RBFOX1: variants seen among roughly 807,000 people sequenced by gnomAD.
RBFOX1 encodes RNA binding protein fox-1 homolog 1.
RBFOX1 carries 8 observed loss-of-function variants against 57.7 expected under a neutral mutation model. The ratio of observed to expected loss-of-function variants is 0.14; its 90% CI spans 0.08 to 0.25. The LOEUF (loss-of-function observed/expected upper bound fraction) is 0.25, where lower values mean the gene tolerates loss of function less well. Among genes scored for constraint, RBFOX1 ranks in the 10% least tolerant of loss-of-function variants. RBFOX1 has a pLI of 1.00. For missense variants in RBFOX1, 611 were observed against 548.5 expected, an observed-to-expected ratio of 1.11 and a Z score of -1.14; for synonymous variants, 326 against 222.4, an observed-to-expected ratio of 1.47 and a Z score of -4.15.
chr16:7,183,034 C>G (rs748972134), intron 4 of RBFOX1, among the ~76,000 whole-genome samples: 2 of 152,194 alleles, frequency 1.3e-5, no homozygotes, highest in African/African-American at 4.8e-5. Context: ...AATGGGCACA[C>G]AACAATATTT....
At chr16:6,652,483 T>C (rs2098604672) in intron 2 of RBFOX1, among the ~76,000 whole-genome samples, 1 of 151,548 alleles carries the variant, frequency 6.6e-6, no homozygotes, top group Non-Finnish European at 1.5e-5. Flanking sequence ...CTGTCTCCCT[T>C]TCTCTCTCTC....
At chr16:6,011,590 C>T (rs1016197468) in intron 4 of RBFOX1, among the ~76,000 whole-genome samples, 1 of 152,150 alleles carries the variant, frequency 6.6e-6, no homozygotes, top group Non-Finnish European at 1.5e-5. Context: ...ATGTCTCAGG[C>T]TTGGCATAGA....
intron 13 of RBFOX1, among the ~76,000 whole-genome samples, chr16:7,673,822 T>G (rs752569161): frequency 6.6e-6 from 1 of 152,220 alleles, no homozygotes; most frequent in Non-Finnish European, 1.5e-5. Context: ...GTGTTTGTCA[T>G]GCCTCGTTCC....
At chr16:6,209,371 T>G (rs2097277014) in intron 1 of RBFOX1, among the ~76,000 whole-genome samples, 1 of 147,046 alleles carries the variant, frequency 6.8e-6, no homozygotes, top group Admixed American at 7.0e-5. Flanking sequence ...CTGCCCACCT[T>G]CAGAGAAACT....
intron 3 of RBFOX1, among the ~76,000 whole-genome samples, chr16:6,973,131 C>G (rs1250810678): frequency 2.2e-5 from 3 of 136,154 alleles, no homozygotes; most frequent in Non-Finnish European, 4.6e-5. Flanking sequence ...ACTCCATTGT[C>G]TAAATAAATT....
Position 7,496,703 on chromosome 16 carries a change from A to T in RBFOX1, c.28-21444A>T, listed in dbSNP as rs201616865. ...ACCTTAACAAAGACTTTTTTTTTTT[A>T]AATTTGACCACTGCAGTGTTCTCAT... On this transcript the variant is annotated intron_variant, in intron 4 of 15. Transcript: ENST00000550418. Among the ~76,000 whole-genome samples, 497 of 94,236 alleles carry T rather than the reference A, an allele frequency of 5.3e-3. 6 individuals are homozygous for T. The highest frequency in any genetic ancestry group is 0.016 in the African/African-American group (452 of 27,700). 61.8% of individuals were successfully genotyped at this position (94,236 alleles called of 152,430 possible). A position where few individuals can be genotyped will look rare whatever the true frequency, so the allele number is the denominator to read the frequency against.
chr16:7,025,749 G>A (rs1290483836), intron 3 of RBFOX1, among the ~76,000 whole-genome samples: 1 of 152,084 alleles, frequency 6.6e-6, no homozygotes, highest in Non-Finnish European at 1.5e-5. Flanking sequence ...AGCCATGGGC[G>A]TCCCGGGGAA....
intron 2 of RBFOX1, among the ~76,000 whole-genome samples, chr16:6,597,003 C>T (rs1016132676): frequency 6.6e-5 from 10 of 152,294 alleles, no homozygotes; most frequent in Non-Finnish European, 8.8e-5. Context: ...GGGGAACTTA[C>T]TGGAAAGCTT....
intron 4 of RBFOX1, among the ~76,000 whole-genome samples, chr16:7,474,706 C>T (rs2062274606): frequency 6.6e-6 from 1 of 152,196 alleles, no homozygotes; most frequent in Non-Finnish European, 1.5e-5. Flanking sequence ...CTTTCCCTTT[C>T]CAGTTCTTAA....
intron 4 of RBFOX1, among the ~76,000 whole-genome samples, chr16:7,444,505 A>C (rs1444469551): frequency 6.6e-6 from 1 of 152,092 alleles, no homozygotes; most frequent in Non-Finnish European, 1.5e-5. Context: ...GTTCTGCAAA[A>C]ATTCCTCTGA....
At chr16:6,942,948 C>T (rs752695362) in intron 3 of RBFOX1, among the ~76,000 whole-genome samples, 73 of 152,132 alleles carry the variant, frequency 4.8e-4, no homozygotes, top group Non-Finnish European at 7.1e-4. Context: ...TCGACATCAC[C>T]ATGTGCTTTT....
intron 2 of RBFOX1, among the ~76,000 whole-genome samples, chr16:6,476,829 G>A (rs1230285099): frequency 1.3e-5 from 2 of 152,276 alleles, no homozygotes; most frequent in East Asian, 3.9e-4. Context: ...TTTCAGAATT[G>A]GAGTGAATCC....
chr16:6,977,191 CATAT>C (rs539952883), intron 3 of RBFOX1, among the ~76,000 whole-genome samples: 1 of 145,328 alleles, frequency 6.9e-6, no homozygotes, highest in Non-Finnish European at 1.5e-5. Flanking sequence ...ATATATATCA[CATAT>C]ATATGTTTTA....
chr16:7,585,060 C>T (rs144255071), intron 6 of RBFOX1, among the ~76,000 whole-genome samples: 97 of 152,266 alleles, frequency 6.4e-4, no homozygotes, highest in African/African-American at 1.7e-3. Context: ...AGTTGCATCG[C>T]GGTTTTGGAA....
At chr16:5,633,466 C>G (rs964049137) in intron 3 of RBFOX1, among the ~76,000 whole-genome samples, 3 of 152,126 alleles carry the variant, frequency 2.0e-5, no homozygotes, top group Admixed American at 1.3e-4. Context: ...GACTCTCTAC[C>G]CAATATGTAG....
At chr16:7,352,268 A>G (rs1017361573) in intron 4 of RBFOX1, among the ~76,000 whole-genome samples, 4 of 152,176 alleles carry the variant, frequency 2.6e-5, no homozygotes, top group Non-Finnish European at 5.9e-5. Flanking sequence ...TGTAACCTAA[A>G]TCTTTGCACG....
intron 3 of RBFOX1, among the ~76,000 whole-genome samples, chr16:6,754,700 G>GTT (rs1381962658): frequency 1.8e-4 from 27 of 151,564 alleles, no homozygotes; most frequent in African/African-American, 6.6e-4. Context: ...GAAATGGAAT[G>GTT]TTGTTTTTTT....
chr16:5,827,833 C>G (rs1451431812), intron 3 of RBFOX1, among the ~76,000 whole-genome samples: 2 of 151,508 alleles, frequency 1.3e-5, no homozygotes, highest in East Asian at 1.9e-4. Context: ...ATCCACCTGG[C>G]CATCCATCCA....
intron 4 of RBFOX1, among the ~76,000 whole-genome samples, chr16:7,110,871 C>T (rs1363058529): frequency 6.6e-6 from 1 of 152,134 alleles, no homozygotes; most frequent in African/African-American, 2.4e-5. Flanking sequence ...TGTTCCCTCC[C>T]ATCCCAGGGT....
Sources: allele counts gnomAD v4.1 joint callset (sites outside exome capture counted in the v4.1 genomes callset), GRCh38; gene constraint gnomAD v4.1.1; transcripts MANE v1.5; gene names NCBI Gene and HGNC (gene_info 2026-07-23, HGNC 2026-07-21).